The following WDFY2 variants were observed in gnomAD, a reference collection of about 807,000 sequenced individuals.
WDFY2 encodes WD repeat and FYVE domain-containing protein 2.
A neutral mutation model predicts 56.4 loss-of-function variants in WDFY2; 36 were observed. The observed-to-expected ratio is 0.64, with a 90% CI of 0.49 to 0.84. WDFY2 has a LOEUF of 0.84. WDFY2 is among the 40% of genes least tolerant of loss of function. The pLI, the probability that WDFY2 is intolerant of heterozygous loss-of-function variation, is 0.00. For missense variants in WDFY2, 444 were observed against 512.2 expected, an observed-to-expected ratio of 0.87 and a Z score of 1.29; for synonymous variants, 176 against 183.7, an observed-to-expected ratio of 0.96 and a Z score of 0.34.
At chr13:51,703,795 G>A in intron 4 of WDFY2, 145 bp downstream of exon 4, 1 of 695,404 alleles carries the variant, frequency 1.4e-6, no homozygotes. Context: ...CCTGTGTTTT[G>A]AATTAAGAAA....
rs1953630224 is a variant in WDFY2, at chr13:51,762,842, T to A, written c.*3073T>A. On this transcript the variant is annotated 3_prime_UTR_variant, in exon 12 of 12. Coordinates refer to ENST00000298125, the MANE Select transcript of WDFY2 (RefSeq NM_052950.4). ...GATCTACACATATCATACGCAGAGT[T>A]GTTCTCTACCTGATGGGGCAAAACC... 6.6e-6 allele frequency: 1 copy of A among 152,244 alleles called. No individual in the cohort carries two copies. The highest frequency in any genetic ancestry group is 1.5e-5 in the Non-Finnish European group (1 of 68,044). The allele number at this position is 152,244 out of a possible 1,614,324, so 9.4% of individuals were successfully genotyped here. A position where few individuals can be genotyped will look rare whatever the true frequency, so the allele number is the denominator to read the frequency against.
intron 1 of WDFY2, among the ~76,000 whole-genome samples, chr13:51,610,152 A>G (rs1407097409): frequency 6.6e-6 from 1 of 151,816 alleles, no homozygotes; most frequent in Admixed American, 6.6e-5. Flanking sequence ...CTCATCCCTC[A>G]TCTGAAGTGG....
At chr13:51,715,124 T>C (rs1286170871) in intron 4 of WDFY2, among the ~76,000 whole-genome samples, 1 of 152,214 alleles carries the variant, frequency 6.6e-6, no homozygotes, top group African/African-American at 2.4e-5. Flanking sequence ...AGTGAGTGAA[T>C]GTGAAGGCCT....
intron 7 of WDFY2, among the ~76,000 whole-genome samples, chr13:51,744,919 A>G (rs1953059379): frequency 1.3e-5 from 2 of 152,200 alleles, no homozygotes; most frequent in African/African-American, 2.4e-5. Flanking sequence ...CCCTAAATCA[A>G]GAAGTCCCAG....
intron 3 of WDFY2, among the ~76,000 whole-genome samples, chr13:51,691,047 GT>G (rs1411074638): frequency 6.6e-6 from 1 of 152,118 alleles, no homozygotes; most frequent in Non-Finnish European, 1.5e-5. Context: ...GAGGTTGGTT[GT>G]TTTTTTGTTG....
chr13:51,597,775 G>T (rs558961146), intron 1 of WDFY2, among the ~76,000 whole-genome samples: 2 of 152,214 alleles, frequency 1.3e-5, no homozygotes, highest in Non-Finnish European at 2.9e-5. Context: ...TTATTTGGTA[G>T]TTTGTTTCCC....
At chr13:51,717,339 TGA>T (rs1389965632) in intron 4 of WDFY2, among the ~76,000 whole-genome samples, 2 of 152,156 alleles carry the variant, frequency 1.3e-5, no homozygotes, top group African/African-American at 2.4e-5. Context: ...AGCCTGACAC[TGA>T]GAGAGAGAAC....
chr13:51,647,955 A>G (rs1955291638), intron 1 of WDFY2, among the ~76,000 whole-genome samples: 1 of 152,208 alleles, frequency 6.6e-6, no homozygotes, highest in African/African-American at 2.4e-5. Context: ...GTTTAAAACA[A>G]GAAAGTCAAA....
chr13:51,742,015 G>A (rs929026056), intron 7 of WDFY2, among the ~76,000 whole-genome samples: 1 of 152,146 alleles, frequency 6.6e-6, no homozygotes, highest in Non-Finnish European at 1.5e-5. Flanking sequence ...ACTGATGGTG[G>A]CCATAGTTCC....
At chr13:51,630,647 G>T (rs1954934759) in intron 1 of WDFY2, among the ~76,000 whole-genome samples, 2 of 151,380 alleles carry the variant, frequency 1.3e-5, no homozygotes, top group African/African-American at 4.9e-5. Flanking sequence ...CTTTTATAGG[G>T]GTATTTAACC....
intron 4 of WDFY2, among the ~76,000 whole-genome samples, chr13:51,711,204 A>G (rs1193125956): frequency 6.6e-6 from 1 of 152,248 alleles, no homozygotes; most frequent in Non-Finnish European, 1.5e-5. Context: ...TTCCCTATTT[A>G]CCAAATGGTG....
intron 3 of WDFY2, among the ~76,000 whole-genome samples, chr13:51,697,632 CA>C (rs200946257): frequency 0.023 from 1,862 of 79,992 alleles, 4 homozygotes; most frequent in Non-Finnish European, 0.032. Flanking sequence ...GATCCTGCCT[CA>C]AAAAAAAAAA....
At chr13:51,750,924 G>A (rs991913019) in intron 7 of WDFY2, among the ~76,000 whole-genome samples, 1 of 152,018 alleles carries the variant, frequency 6.6e-6, no homozygotes, top group Non-Finnish European at 1.5e-5. Context: ...AACTCTTCAA[G>A]GATAATTTTT....
At chr13:51,746,567 T>C (rs976938311) in intron 7 of WDFY2, among the ~76,000 whole-genome samples, 1 of 152,242 alleles carries the variant, frequency 6.6e-6, no homozygotes, top group African/African-American at 2.4e-5. Context: ...CCCAGTTATA[T>C]CTTGCGGATA....
intron 1 of WDFY2, among the ~76,000 whole-genome samples, chr13:51,609,967 T>C (rs550645148): frequency 6.6e-6 from 1 of 152,322 alleles, no homozygotes; most frequent in Admixed American, 6.5e-5. Context: ...TGGTCAAAGA[T>C]GGAACTGAAA....
intron 7 of WDFY2, among the ~76,000 whole-genome samples, chr13:51,746,206 T>G (rs1400015135): frequency 2.0e-4 from 31 of 152,130 alleles, no homozygotes; most frequent in Non-Finnish European, 7.4e-5. Context: ...GGTCTTGAAC[T>G]CCCAAAGTGC....
intron 1 of WDFY2, among the ~76,000 whole-genome samples, chr13:51,650,684 A>C (rs1042624443): frequency 5.6e-4 from 86 of 152,238 alleles, no homozygotes; most frequent in Admixed American, 2.6e-3. Context: ...TGTGGTTTTT[A>C]TCGTTGGTTC....
At chr13:51,751,925 C>T (rs1214967739) in intron 8 of WDFY2, among the ~76,000 whole-genome samples, 2 of 152,176 alleles carry the variant, frequency 1.3e-5, no homozygotes, top group African/African-American at 4.8e-5. Flanking sequence ...GTTATCAGAA[C>T]ATTCTTTTTT....
chr13:51,725,567 T>C (rs1171787886), intron 5 of WDFY2, among the ~76,000 whole-genome samples: 5 of 152,188 alleles, frequency 3.3e-5, no homozygotes, highest in African/African-American at 1.2e-4. Flanking sequence ...GTTCTAATTA[T>C]GTGATTATGT....
Sources: gnomAD v4.1 joint callset for allele counts (sites outside exome capture counted in the v4.1 genomes callset) on GRCh38, gnomAD v4.1.1 for gene constraint, MANE v1.5 for transcripts, NCBI Gene and HGNC (gene_info 2026-07-23, HGNC 2026-07-21) for gene names.